NRG1: variants seen among roughly 807,000 people sequenced by gnomAD.
NRG1 encodes the protein pro-neuregulin-1, membrane-bound isoform.
A neutral mutation model predicts 63.8 loss-of-function variants in NRG1; 18 were observed. The observed-to-expected ratio is 0.28, with a 90% CI of 0.19 to 0.42. The LOEUF is 0.42. Ranked by LOEUF, NRG1 falls within the 10% of genes least tolerant of loss-of-function variation. The pLI is 1.00. For missense variants in NRG1, 762 were observed against 814.7 expected, an observed-to-expected ratio of 0.94 and a Z score of 0.79; for synonymous variants, 302 against 301.3, an observed-to-expected ratio of 1.00 and a Z score of -0.02.
chr8:32,046,010 A>G (rs1292708015), intron 1 of NRG1, among the ~76,000 whole-genome samples: 1 of 152,094 alleles, frequency 6.6e-6, no homozygotes, highest in Non-Finnish European at 1.5e-5. Flanking sequence ...AAGATAAGCT[A>G]TAGACAGAAA....
At chr8:32,512,945 C>A (rs1829384761) in intron 1 of NRG1, among the ~76,000 whole-genome samples, 1 of 152,062 alleles carries the variant, frequency 6.6e-6, no homozygotes, top group Admixed American at 6.6e-5. Context: ...AGTGAGATAT[C>A]AAACTGGTTT....
At chr8:32,771,590 C>T (rs948976957), downstream of NRG1, among the ~76,000 whole-genome samples, 3 of 150,106 alleles carry the variant, frequency 2.0e-5, no homozygotes. Flanking sequence ...TTTAATAATA[C>T]TACCTCCAAA....
At chr8:32,069,360 A>C (rs1036649092) in intron 1 of NRG1, among the ~76,000 whole-genome samples, 2 of 152,196 alleles carry the variant, frequency 1.3e-5, no homozygotes, top group African/African-American at 4.8e-5. Flanking sequence ...TGAGGATTAG[A>C]GTTATGATGA....
At chr8:32,142,348 A>G (rs1421942536) in intron 1 of NRG1, among the ~76,000 whole-genome samples, 1 of 152,170 alleles carries the variant, frequency 6.6e-6, no homozygotes, top group Non-Finnish European at 1.5e-5. Flanking sequence ...TGTGAGTGTT[A>G]ATAACTTTGC....
At chr8:31,907,491 T>C (rs1832622732) in intron 1 of NRG1, among the ~76,000 whole-genome samples, 1 of 152,094 alleles carries the variant, frequency 6.6e-6, no homozygotes, top group African/African-American at 2.4e-5. Flanking sequence ...TTGGCTCTGA[T>C]ACCCCTCCCT....
chr8:32,484,814 T>C (rs6468112), intron 1 of NRG1, among the ~76,000 whole-genome samples: 94,740 of 152,018 alleles, frequency 0.62, 29,765 homozygotes, highest in East Asian at 0.79. Flanking sequence ...CATTTCATGT[T>C]TAGAGAATAA....
At chr8:32,406,747 C>T (rs1042637550) in intron 1 of NRG1, among the ~76,000 whole-genome samples, 16 of 151,954 alleles carry the variant, frequency 1.1e-4, no homozygotes, top group East Asian at 3.9e-4. Flanking sequence ...CCTTCATCTT[C>T]GGTTTTCTTT....
chr8:32,420,072 G>A (rs1346761002), intron 1 of NRG1, among the ~76,000 whole-genome samples: 2 of 152,108 alleles, frequency 1.3e-5, no homozygotes, highest in African/African-American at 4.8e-5. Context: ...TGAGGGTCAG[G>A]GTCTAGAGAG....
chr8:31,956,718 G>T (rs1441731644), intron 1 of NRG1, among the ~76,000 whole-genome samples: 1 of 152,182 alleles, frequency 6.6e-6, no homozygotes, highest in Non-Finnish European at 1.5e-5. Context: ...AGAAGATGGG[G>T]GTTCTTGTAA....
intron 1 of NRG1, among the ~76,000 whole-genome samples, chr8:32,128,545 A>G (rs1267373325): frequency 6.6e-6 from 1 of 151,952 alleles, no homozygotes; most frequent in East Asian, 1.9e-4. Context: ...GTAAAATTAC[A>G]TGTGAAAGTC....
intron 1 of NRG1, among the ~76,000 whole-genome samples, chr8:31,645,117 A>G (rs1804168901): frequency 6.6e-6 from 1 of 152,072 alleles, no homozygotes; most frequent in Non-Finnish European, 1.5e-5. Context: ...ATATATGAAT[A>G]CTCTAAATTT....
intron 1 of NRG1, among the ~76,000 whole-genome samples, chr8:31,800,076 T>C (rs1394849383): frequency 1.3e-5 from 2 of 152,218 alleles, no homozygotes; most frequent in African/African-American, 4.8e-5. Flanking sequence ...CTTGGAACAG[T>C]CTCATTGTTT....
At chr8:32,345,553 C>T (rs1284255298) in intron 1 of NRG1, among the ~76,000 whole-genome samples, 1 of 152,128 alleles carries the variant, frequency 6.6e-6, no homozygotes, top group Non-Finnish European at 1.5e-5. Flanking sequence ...CCCTCTTCTC[C>T]CAGTGCTTTC....
chr8:31,705,229 G>A (rs895983960), intron 1 of NRG1, among the ~76,000 whole-genome samples: 1 of 151,924 alleles, frequency 6.6e-6, no homozygotes, highest in Admixed American at 6.6e-5. Context: ...TTTATTTTTA[G>A]TAGAGTTGGG....
At chr8:32,739,678 G>A (rs1825888221) in intron 6 of NRG1, among the ~76,000 whole-genome samples, 3 of 152,144 alleles carry the variant, frequency 2.0e-5, no homozygotes, top group South Asian at 2.1e-4. Context: ...CTGGTTATAA[G>A]ATGCCTAATG....
At chr8:32,577,100 G>A (rs762176359) in intron 1 of NRG1, among the ~76,000 whole-genome samples, 2 of 152,068 alleles carry the variant, frequency 1.3e-5, no homozygotes, top group Non-Finnish European at 2.9e-5. Context: ...GCATTAATTC[G>A]CTTAGGATAA....
intron 5 of NRG1, among the ~76,000 whole-genome samples, chr8:32,638,510 T>G (rs1851744085): frequency 6.6e-6 from 1 of 152,176 alleles, no homozygotes; most frequent in African/African-American, 2.4e-5. Flanking sequence ...CCCAGTGTCT[T>G]AGAGATATGG....
intron 1 of NRG1, among the ~76,000 whole-genome samples, chr8:31,779,063 T>A (rs1188510477): frequency 6.6e-6 from 1 of 152,206 alleles, no homozygotes; most frequent in Non-Finnish European, 1.5e-5. Context: ...TTGTTGGTAC[T>A]CTTCAGGGAC....
chr8:31,787,936 T>C (rs1820334924), intron 1 of NRG1, among the ~76,000 whole-genome samples: 1 of 152,140 alleles, frequency 6.6e-6, no homozygotes, highest in East Asian at 1.9e-4. Flanking sequence ...TTTAATCACT[T>C]CATATATTTT....
Sources: gnomAD v4.1 joint callset for allele counts (sites outside exome capture counted in the v4.1 genomes callset) on GRCh38, gnomAD v4.1.1 for gene constraint, MANE v1.5 for transcripts, NCBI Gene and HGNC (gene_info 2026-07-23, HGNC 2026-07-21) for gene names.